SH3GLB1: variants seen among roughly 807,000 people sequenced by gnomAD.
SH3GLB1 encodes the protein SH3 domain containing GRB2 like, endophilin B1.
In SH3GLB1, 17 loss-of-function variants were observed where a neutral mutation model predicts 42.0. That is an observed-to-expected ratio of 0.40 (90% confidence interval 0.28 to 0.61). The LOEUF (loss-of-function observed/expected upper bound fraction) is 0.61. Among genes scored for constraint, SH3GLB1 ranks in the 20% least tolerant of loss-of-function variants. The pLI is 0.36. For missense variants in SH3GLB1, 355 were observed against 426.3 expected (o/e 0.83, Z 1.47); for synonymous variants, 132 against 146.6 (o/e 0.90, Z 0.72).
At chr1:86,716,763 T>G (rs1008185214) in intron 2 of SH3GLB1, among the ~76,000 whole-genome samples, 4 of 152,222 alleles carry the variant, frequency 2.6e-5, no homozygotes, top group Admixed American at 2.6e-4. Flanking sequence ...GAAATTGGAC[T>G]AGAACCGGGT....
chr1:86,719,585 G>T lies in SH3GLB1; in HGVS notation c.293G>T (p.Gly98Val). 1 of 1,611,436 alleles carries T rather than the reference G, an allele frequency of 6.2e-7. No homozygotes were observed. Among genetic ancestry groups the T allele is most frequent in the Non-Finnish European group, 8.5e-7 (1 of 1,178,692 alleles). Residue 98 changes from glycine (G) to valine (V), a missense_variant, in exon 3 of 9, where the codon GGA becomes GTA. By Grantham distance (109) the Gly-to-Val change is moderately radical. Transcript: ENST00000370558. Reference protein sequence around the residue: ...PSRINNPELLGQYMIDAGTEF... With the variant: ...PSRINNPELLVQYMIDAGTEF... Reference sequence around the variant, plus strand: ...CGTATAAACAACCCAGAACTTTTGGGACAATATATGATTGATGCAGGGACT... The same window carrying T: ...CGTATAAACAACCCAGAACTTTTGGTACAATATATGATTGATGCAGGGACT...
chr1:86,710,342 G>A (rs566953528), intron 1 of SH3GLB1, among the ~76,000 whole-genome samples: 3 of 151,056 alleles, frequency 2.0e-5, no homozygotes, highest in Non-Finnish European at 2.9e-5. Context: ...TTGGCTCACC[G>A]CAATCTCCGT....
At position 86,745,520 on chromosome 1, in the gene SH3GLB1, G is replaced by A. The variant is rs566647767; in HGVS notation, c.*2285G>A. On this transcript the variant is annotated 3_prime_UTR_variant, in exon 9 of 9. Transcript: ENST00000370558. ...CCCAGGTTTAACCTTCCCACAGTCA[G>A]TATAAATCATTTTTCAGAACTTTCA... is the stretch of plus-strand genomic sequence containing the variant. 6.6e-6 allele frequency: 1 copy of A among 152,218 alleles called. No individual in the cohort carries two copies. Among genetic ancestry groups the A allele is most frequent in the African/African-American group, 2.4e-5 (1 of 41,534 alleles). The allele number at this position is 152,218 out of a possible 1,614,324, so 9.4% of individuals were successfully genotyped here.
chr1:86,739,364 G>A (rs1388725334), intron 7 of SH3GLB1, among the ~76,000 whole-genome samples: 1 of 152,190 alleles, frequency 6.6e-6, no homozygotes, highest in East Asian at 1.9e-4. Context: ...GAAACTAAGA[G>A]TATGGCCTGG....
chr1:86,712,308 T>C (rs907650131), intron 1 of SH3GLB1, among the ~76,000 whole-genome samples: 4 of 151,958 alleles, frequency 2.6e-5, no homozygotes, highest in African/African-American at 7.2e-5. Context: ...CGAACAGACA[T>C]AGGAGAAAGG....
intron 3 of SH3GLB1, among the ~76,000 whole-genome samples, chr1:86,720,509 A>G (rs1654806980): frequency 6.6e-6 from 1 of 152,236 alleles, no homozygotes; most frequent in Non-Finnish European, 1.5e-5. Context: ...CAGACTTTAA[A>G]TGTATAGCCC....
intron 5 of SH3GLB1, among the ~76,000 whole-genome samples, chr1:86,731,123 G>A (rs1285613969): frequency 6.6e-6 from 1 of 152,150 alleles, no homozygotes; most frequent in Non-Finnish European, 1.5e-5. Flanking sequence ...GGGAAAGCAA[G>A]TAATTAAACA....
intron 7 of SH3GLB1, among the ~76,000 whole-genome samples, chr1:86,739,488 C>T (rs759745101): frequency 1.3e-5 from 2 of 152,032 alleles, no homozygotes; most frequent in African/African-American, 2.4e-5. Flanking sequence ...CTAACCTTGA[C>T]GAGTAGTTTT....
At chr1:86,716,426 C>T (rs1040077356) in intron 2 of SH3GLB1, among the ~76,000 whole-genome samples, 3 of 152,178 alleles carry the variant, frequency 2.0e-5, no homozygotes, top group Admixed American at 1.3e-4. Context: ...AGGCATGTGC[C>T]ACCACGCCCA....
chr1:86,726,490 G>T (rs1175166600), intron 5 of SH3GLB1, among the ~76,000 whole-genome samples: 1 of 151,014 alleles, frequency 6.6e-6, no homozygotes, highest in South Asian at 2.1e-4. Context: ...GAGGATAAAG[G>T]TTTTTTTTCT....
chr1:86,709,896 G>A lies in SH3GLB1; in HGVS notation c.72+4925G>A, dbSNP rs754030196. Among the ~76,000 whole-genome samples the A allele has an allele frequency of 3.4e-4, 52 of 152,252 alleles. No homozygotes were observed. The Middle Eastern group carries it at 0.01, about 30-fold the overall frequency. ...AGGATGTAAAGATGAATATGATGTT[G>A]CCGTTCAATAGCTCCTGTCAGACCC... On this transcript the variant is annotated intron_variant, in intron 1 of 8. Transcript: ENST00000370558.
At chr1:86,728,368 A>G (rs1432079293) in intron 5 of SH3GLB1, 1 of 1,141,914 alleles carries the variant, frequency 8.8e-7, no homozygotes, top group Non-Finnish European at 1.3e-6. Flanking sequence ...GTTCATTGGT[A>G]TAATGTGTTC....
At position 86,730,052 on chromosome 1, in the gene SH3GLB1, G is replaced by A. The variant is rs764709705; in HGVS notation, c.571-4550G>A. 2.6e-6 allele frequency: 4 copies of A among 1,561,250 alleles called. No homozygotes were observed. In the African/African-American group the frequency reaches 5.5e-5, roughly 21 times the overall value. On this transcript the variant is annotated intron_variant, in intron 5 of 8. Coordinates refer to ENST00000370558, the MANE Select transcript of SH3GLB1 (RefSeq NM_016009.5). Reference sequence around the variant, plus strand: ...GTAGAAAATAAATTCCAACTTTCATGCTTTATATTTTTCTCTAATTTTTAA... The same window carrying A: ...GTAGAAAATAAATTCCAACTTTCATACTTTATATTTTTCTCTAATTTTTAA...
At chr1:86,737,704 G>T (rs552716511) in intron 7 of SH3GLB1, among the ~76,000 whole-genome samples, 2 of 152,230 alleles carry the variant, frequency 1.3e-5, no homozygotes, top group African/African-American at 4.8e-5. Context: ...TCTATATGGG[G>T]GCAGAAGGGA....
At chr1:86,740,046 T>G (rs531519169) in intron 7 of SH3GLB1, among the ~76,000 whole-genome samples, 2 of 152,090 alleles carry the variant, frequency 1.3e-5, no homozygotes, top group African/African-American at 4.8e-5. Flanking sequence ...CTCAGGAAGC[T>G]GAGGCGAGAG....
chr1:86,706,760 A>G (rs1653891585), intron 1 of SH3GLB1, among the ~76,000 whole-genome samples: 1 of 152,204 alleles, frequency 6.6e-6, no homozygotes, highest in African/African-American at 2.4e-5. Flanking sequence ...TATGTTTCAG[A>G]CGTATAACTC....
intron 1 of SH3GLB1, among the ~76,000 whole-genome samples, chr1:86,710,097 G>T (rs1365056356): frequency 6.6e-6 from 1 of 152,132 alleles, no homozygotes; most frequent in East Asian, 1.9e-4. Context: ...CATGTTTAGT[G>T]TTACTTAAAA....
intron 1 of SH3GLB1, among the ~76,000 whole-genome samples, chr1:86,706,040 A>G (rs1653846351): frequency 6.6e-6 from 1 of 152,228 alleles, no homozygotes; most frequent in Non-Finnish European, 1.5e-5. Context: ...GAGCAAGGTA[A>G]TAGCTGCCTA....
rs1219637639 is a variant in SH3GLB1 at position 86,743,043 on chromosome 1, A to G, written c.991-85A>G. 6.6e-6 allele frequency: 7 copies of G among 1,067,034 alleles called. No homozygotes were observed. In the Admixed American group the frequency reaches 1.3e-4, roughly 20 times the overall value. The allele number at this position is 1,067,034 out of a possible 1,614,324, so 66.1% of individuals were successfully genotyped here. On this transcript the variant is annotated intron_variant, in intron 8 of 8. Transcript: ENST00000370558. The stretch of plus-strand genomic sequence containing the variant: ...TTAAAGTCCTTTTGGTGAATAATTT[A>G]AACAAATTAAATACAAATCTGATTG...
Sources: allele counts gnomAD v4.1 joint callset (sites outside exome capture counted in the v4.1 genomes callset), GRCh38; gene constraint gnomAD v4.1.1; transcripts MANE v1.5; gene names NCBI Gene and HGNC (gene_info 2026-07-23, HGNC 2026-07-21).